Variants in SLC28A1 observed in about 807,000 individuals in gnomAD.
The protein encoded by SLC28A1 is sodium/nucleoside cotransporter 1.
SLC28A1 carries 64 observed loss-of-function variants against 74.8 expected under a neutral mutation model. The observed-to-expected ratio is 0.86, with a 90% CI of 0.70 to 1.05. The LOEUF is 1.05. SLC28A1 is among the 50% of genes least tolerant of loss of function. The probability of loss-of-function intolerance (pLI) is 0.00; values close to 1 mark genes in which losing one functional copy is unlikely to be tolerated. For missense variants in SLC28A1, 828 were observed against 822.8 expected (o/e 1.01, Z -0.08); for synonymous variants, 359 against 335.0 (o/e 1.07, Z -0.78).
chr15:84,947,547 G>A (rs1303044339), downstream of SLC28A1, among the ~76,000 whole-genome samples: 2 of 152,192 alleles, frequency 1.3e-5, no homozygotes, highest in African/African-American at 2.4e-5. Flanking sequence ...ACCATAAATG[G>A]GATAGCTTAT....
chr15:84,935,209 AC>A lies in SLC28A1; in HGVS notation c.1383+17del. 1 of 1,613,904 alleles carries A rather than the reference AC, an allele frequency of 6.2e-7. No homozygotes were observed. Among genetic ancestry groups the A allele is most frequent in the Non-Finnish European group, 8.5e-7 (1 of 1,179,842 alleles). ...TCAGCTTCCAGGTGCGTTTCTGGCC[AC>A]CACACTCAGTCTGTAGAGAGGATGG... On this transcript the variant is annotated intron_variant, in intron 14 of 18. Transcript: ENST00000394573.
At chr15:84,896,378 C>T (rs551588308) in intron 6 of SLC28A1, among the ~76,000 whole-genome samples, 18 of 152,270 alleles carry the variant, frequency 1.2e-4, no homozygotes, top group African/African-American at 4.3e-4. Flanking sequence ...CAAAGCAAAG[C>T]CACAATAAGA....
chr15:84,920,861 T>G, intron 10 of SLC28A1, 128 bp from the exon 11 acceptor site: 1 of 771,486 alleles, frequency 1.3e-6, no homozygotes, highest in Non-Finnish European at 2.3e-6. Flanking sequence ...TTTGGGAAAA[T>G]GTAGATGAAG....
intron 5 of SLC28A1, among the ~76,000 whole-genome samples, chr15:84,892,690 A>G (rs1965491436): frequency 6.6e-6 from 1 of 152,140 alleles, no homozygotes; most frequent in African/African-American, 2.4e-5. Context: ...CTGTTCACAG[A>G]CGTTCTGGGA....
chr15:84,892,872 C>G (rs1376474829), intron 5 of SLC28A1, among the ~76,000 whole-genome samples: 1 of 152,202 alleles, frequency 6.6e-6, no homozygotes, highest in African/African-American at 2.4e-5. Flanking sequence ...GGAGGTGCCT[C>G]TTGCCCGCTC....
intron 11 of SLC28A1, among the ~76,000 whole-genome samples, chr15:84,922,311 A>T (rs1014797991): frequency 6.6e-6 from 1 of 152,160 alleles, no homozygotes; most frequent in African/African-American, 2.4e-5. Context: ...GCACATTAAG[A>T]CGCTAAGTCC....
intron 12 of SLC28A1, among the ~76,000 whole-genome samples, chr15:84,924,390 G>A (rs1215265683): frequency 6.6e-6 from 1 of 152,050 alleles, no homozygotes; most frequent in Non-Finnish European, 1.5e-5. Flanking sequence ...TTTTCCAGAT[G>A]AGAAAATTGA....
the SLC28A1 span, among the ~76,000 whole-genome samples, chr15:84,971,679 T>C: frequency 6.7e-6 from 1 of 148,644 alleles, no homozygotes; most frequent in African/African-American, 2.5e-5. Context: ...TGACAGGGTG[T>C]CACTCTGTCA....
intron 15 of SLC28A1, among the ~76,000 whole-genome samples, chr15:84,936,668 G>C (rs1369095622): frequency 6.6e-6 from 1 of 152,164 alleles, no homozygotes; most frequent in Admixed American, 6.5e-5. Flanking sequence ...TAAAAGAATA[G>C]TAACATTATT....
At chr15:84,922,136 C>T (rs77754330) in intron 11 of SLC28A1, among the ~76,000 whole-genome samples, 1,599 of 152,224 alleles carry the variant, frequency 0.011, 28 homozygotes, top group African/African-American at 0.037. Context: ...GGGCCCTCTG[C>T]TCTTGTCCAT....
intron 9 of SLC28A1, among the ~76,000 whole-genome samples, chr15:84,915,973 A>C (rs1190114239): frequency 1.3e-5 from 2 of 151,164 alleles, no homozygotes; most frequent in Non-Finnish European, 2.9e-5. Context: ...TATTATTATT[A>C]TTATTTTAGA....
chr15:84,906,257 C>T (rs540327852), intron 8 of SLC28A1, among the ~76,000 whole-genome samples: 7 of 151,190 alleles, frequency 4.6e-5, no homozygotes, highest in South Asian at 2.1e-4. Flanking sequence ...TGACCTCAGA[C>T]GATTCGCTTG....
Position 84,932,017 on chromosome 15 carries a change from G to A in SLC28A1, c.1084-1128G>A, listed in dbSNP as rs144760186. Among the ~76,000 whole-genome samples, 133 of 151,810 alleles carry A rather than the reference G, an allele frequency of 8.8e-4. 1 individual carries two copies. The highest frequency in any genetic ancestry group is 1.5e-3 in the Non-Finnish European group (102 of 67,882). ...ACTCTGTCTTGGAAAAAAAAATAAA[G>A]CAAGAAAGAAAATCACCCCTGGCCC... On this transcript the variant is annotated intron_variant, in intron 12 of 18. Coordinates refer to ENST00000394573, the MANE Select transcript of SLC28A1 (RefSeq NM_004213.5).
At chr15:84,951,498 C>T in the SLC28A1 span, among the ~76,000 whole-genome samples, 20 of 150,098 alleles carry the variant, frequency 1.3e-4, no homozygotes, top group East Asian at 2.2e-3. Context: ...AAGACTGCCA[C>T]GACAGCACAA....
intron 6 of SLC28A1, among the ~76,000 whole-genome samples, chr15:84,898,178 G>C (rs1378727255): frequency 6.6e-6 from 1 of 150,980 alleles, no homozygotes; most frequent in Non-Finnish European, 1.5e-5. Flanking sequence ...CGAATCATAT[G>C]GTAGTCCTAT....
chr15:84,925,588 A>AGG (rs1567168345), intron 12 of SLC28A1, among the ~76,000 whole-genome samples: 2 of 152,144 alleles, frequency 1.3e-5, no homozygotes, highest in African/African-American at 4.8e-5. Context: ...CAACAGAGTG[A>AGG]GACTGTGTTT....
chr15:84,892,755 C>T (rs7342686), intron 5 of SLC28A1, among the ~76,000 whole-genome samples: 56,594 of 151,958 alleles, frequency 0.37, 10,852 homozygotes, highest in Non-Finnish European at 0.42. Context: ...TCCTGAGCTG[C>T]GACAGTGGCT....
intron 13 of SLC28A1, 67 bp from the exon 14 acceptor site, chr15:84,934,959 A>G: frequency 1.5e-6 from 2 of 1,371,328 alleles, no homozygotes; most frequent in Non-Finnish European, 2.1e-6. Flanking sequence ...ATTTGAGCCT[A>G]TAGGATAGGG....
chr15:84,906,658 T>TC (rs1266681713), intron 8 of SLC28A1, among the ~76,000 whole-genome samples: 1 of 148,872 alleles, frequency 6.7e-6, no homozygotes, highest in African/African-American at 2.5e-5. Flanking sequence ...TCCTTTCTTT[T>TC]TTTTTTTTAG....
Sources: allele counts gnomAD v4.1 joint callset (sites outside exome capture counted in the v4.1 genomes callset), GRCh38; gene constraint gnomAD v4.1.1; transcripts MANE v1.5; gene names NCBI Gene and HGNC (gene_info 2026-07-23, HGNC 2026-07-21).